The following NEO1 variants were observed in gnomAD, a reference collection of about 807,000 sequenced individuals.
NEO1 encodes the protein neogenin.
A neutral mutation model predicts 159.7 loss-of-function variants in NEO1; 63 were observed. That is an observed-to-expected ratio of 0.39 (90% CI 0.32 to 0.49). The LOEUF (loss-of-function observed/expected upper bound fraction) is 0.49, where lower values mean the gene tolerates loss of function less well. Ranked by LOEUF, NEO1 falls within the 20% of genes least tolerant of loss-of-function variation. The pLI, the probability that NEO1 is intolerant of heterozygous loss-of-function variation, is 0.85. For synonymous variants in NEO1, 633 were observed against 662.0 expected (o/e 0.96, Z 0.67); for missense variants, 1,615 against 1,831.0 (o/e 0.88, Z 2.15).
chr15:73,246,556 A>G, intron 9 of NEO1, among the ~76,000 whole-genome samples: 1 of 152,228 alleles, frequency 6.6e-6, no homozygotes, highest in Non-Finnish European at 1.5e-5. Context: ...TCCTAGGGAA[A>G]GATGAGACCT....
chr15:73,289,897 C>T lies in NEO1; in HGVS notation c.3742+659C>T, dbSNP rs1370228199. On this transcript the variant is annotated intron_variant, in intron 25 of 28. Coordinates refer to ENST00000261908, the MANE Select transcript of NEO1 (RefSeq NM_002499.4). ...CCTGGGAAGCAGAGGTTGCAGTGAGCCAAAATCGTGCTGTTGCACTCCAGC... is the reference window on the plus strand; with the variant it reads ...CCTGGGAAGCAGAGGTTGCAGTGAGTCAAAATCGTGCTGTTGCACTCCAGC... Among the ~76,000 whole-genome samples the T allele has an allele frequency of 2.6e-5, 4 of 152,048 alleles. No individual in the cohort carries two copies. The East Asian group carries it at 7.7e-4, about 29-fold the overall frequency.
At position 73,301,365 on chromosome 15, in the gene NEO1, A is replaced by G. The variant is rs1467464133; in HGVS notation, c.4210A>G (p.Thr1404Ala). 3 of 1,613,904 alleles carry G rather than the reference A, an allele frequency of 1.9e-6. No individual in the cohort carries two copies. The highest frequency in any genetic ancestry group is 1.3e-5 in the African/African-American group (1 of 74,932). The change falls in exon 28 of 29, where the codon ACT becomes GCT. Residue 1404 changes from threonine (T) to alanine (A), a missense_variant. Thr to Ala is a moderately conservative substitution (Grantham distance 58). This residue lies in a region of NEO1 where 471 missense variants were observed against 498.9 expected (regional missense o/e 0.94). Coordinates refer to ENST00000261908, the MANE Select transcript of NEO1 (RefSeq NM_002499.4). ...IHSVKTASIG[T>A]LGRSRPPMPV... ...CTCAGTGAAGACAGCCTCCATCGGG[A>G]CTCTAGGAAGGAGCCGGCCTCCTAT...
At chr15:73,102,911 GTCC>G (rs1425985673) in intron 1 of NEO1, among the ~76,000 whole-genome samples, 2 of 152,106 alleles carry the variant, frequency 1.3e-5, no homozygotes, top group East Asian at 1.9e-4. Flanking sequence ...CCTTCATCAT[GTCC>G]TCCTCCTCAG....
intron 5 of NEO1, among the ~76,000 whole-genome samples, chr15:73,144,506 T>G (rs2032714177): frequency 6.6e-6 from 1 of 152,228 alleles, no homozygotes; most frequent in South Asian, 2.1e-4. Context: ...TGTTTCTCTT[T>G]TTATTTCTTT....
intron 25 of NEO1, among the ~76,000 whole-genome samples, chr15:73,290,280 G>A (rs752385601): frequency 2.7e-5 from 3 of 109,118 alleles, no homozygotes; most frequent in African/African-American, 3.5e-5. Context: ...TTGCTGTGTC[G>A]CCAAGGCTGG....
intron 1 of NEO1, among the ~76,000 whole-genome samples, chr15:73,053,512 A>G (rs541006014): frequency 6.6e-6 from 1 of 152,332 alleles, no homozygotes; most frequent in South Asian, 2.1e-4. Context: ...AACCACTCTT[A>G]ACCAAGGGAA....
At chr15:73,181,752 C>CT (rs2035625484) in intron 7 of NEO1, among the ~76,000 whole-genome samples, 1 of 152,178 alleles carries the variant, frequency 6.6e-6, no homozygotes. Flanking sequence ...ACCTCCAACA[C>CT]TGGGGATTAC....
At chr15:73,166,237 C>T (rs973466879) in intron 5 of NEO1, among the ~76,000 whole-genome samples, 2 of 152,136 alleles carry the variant, frequency 1.3e-5, no homozygotes, top group Admixed American at 1.3e-4. Context: ...GAAATTGGAA[C>T]CCTTTTGCAC....
At position 73,303,604 on chromosome 15, in the gene NEO1, T is replaced by C. The variant is rs984352172; in HGVS notation, c.*908T>C. On this transcript the variant is annotated 3_prime_UTR_variant, in exon 29 of 29. Coordinates refer to ENST00000261908, the MANE Select transcript of NEO1 (RefSeq NM_002499.4). ...GAGAATGGAAGCATCTTCTTTATTGTCCTTTCCTGGCATGTCCATCCTTAT... is the reference window on the plus strand; with the variant it reads ...GAGAATGGAAGCATCTTCTTTATTGCCCTTTCCTGGCATGTCCATCCTTAT... The C allele has an allele frequency of 3.3e-5, 5 of 152,228 alleles. No homozygotes were observed. The highest frequency in any genetic ancestry group is 1.2e-4 in the African/African-American group (5 of 41,436). The allele number at this position is 152,228 out of a possible 1,614,324, so 9.4% of individuals were successfully genotyped here.
At chr15:73,286,116 A>C (rs1567697894) in intron 23 of NEO1, among the ~76,000 whole-genome samples, 1 of 117,232 alleles carries the variant, frequency 8.5e-6, no homozygotes, top group Non-Finnish European at 1.6e-5. Context: ...GCTGCTTACT[A>C]ACCTTTCTTC....
chr15:73,114,408 C>G (rs2151599388), intron 1 of NEO1, among the ~76,000 whole-genome samples: 1 of 152,126 alleles, frequency 6.6e-6, no homozygotes, highest in South Asian at 2.1e-4. Flanking sequence ...AGGTCACTGC[C>G]CTCCTACTGA....
At chr15:73,092,030 T>G (rs1415232233) in intron 1 of NEO1, among the ~76,000 whole-genome samples, 2 of 152,204 alleles carry the variant, frequency 1.3e-5, no homozygotes, top group African/African-American at 4.8e-5. Context: ...TTGAACTCTC[T>G]ATTCAGATGG....
At chr15:73,228,302 C>G (rs999496642) in intron 7 of NEO1, among the ~76,000 whole-genome samples, 1 of 152,022 alleles carries the variant, frequency 6.6e-6, no homozygotes, top group Non-Finnish European at 1.5e-5. Flanking sequence ...TATCTCATTG[C>G]GCTCTTAATT....
chr15:73,122,675 A>G lies in NEO1; in HGVS notation c.599A>G (p.Lys200Arg), dbSNP rs533465784. Residue 200 changes from lysine (K) to arginine (R), a missense_variant, in exon 3 of 29, where the codon AAA becomes AGA. By Grantham distance (26) the Lys-to-Arg change is conservative (BLOSUM62 2). Transcript: ENST00000261908. ...CTTCTTCTGGATGATAGAGTTATCA[A>G]ACTTCCAAGTGGAATGCTGGTTATC... ...QPLLLDDRVI[K>R]LPSGMLVISN... The G allele has an allele frequency of 6.8e-6, 11 of 1,614,196 alleles. No individual in the cohort carries two copies. Among genetic ancestry groups the G allele is most frequent in the Non-Finnish European group, 4.2e-6 (5 of 1,180,038 alleles).
chr15:73,214,575 T>C (rs1055488565), intron 7 of NEO1, among the ~76,000 whole-genome samples: 1 of 152,170 alleles, frequency 6.6e-6, no homozygotes, highest in Non-Finnish European at 1.5e-5. Context: ...AAAGATCAGT[T>C]GGCTGTTAAG....
At chr15:73,077,163 C>G (rs1221050943) in intron 1 of NEO1, among the ~76,000 whole-genome samples, 1 of 152,144 alleles carries the variant, frequency 6.6e-6, no homozygotes, top group Non-Finnish European at 1.5e-5. Context: ...CCTGCCTCAG[C>G]CTCCCGAGTA....
intron 5 of NEO1, among the ~76,000 whole-genome samples, chr15:73,174,943 A>G (rs893626342): frequency 2.0e-5 from 3 of 152,158 alleles, no homozygotes; most frequent in African/African-American, 7.2e-5. Context: ...TTGTTTCCTA[A>G]GATTATACAT....
chr15:73,155,401 G>A (rs2033706106), intron 5 of NEO1, among the ~76,000 whole-genome samples: 2 of 151,998 alleles, frequency 1.3e-5, no homozygotes, highest in East Asian at 3.9e-4. Flanking sequence ...CTTTTACTTT[G>A]ACTTTAGACA....
intron 1 of NEO1, among the ~76,000 whole-genome samples, chr15:73,105,467 G>A (rs2070641325): frequency 6.6e-6 from 1 of 152,182 alleles, no homozygotes; most frequent in East Asian, 1.9e-4. Context: ...CTAAATAACA[G>A]TATCATTAAT....
Sources: allele counts gnomAD v4.1 joint callset (sites outside exome capture counted in the v4.1 genomes callset), GRCh38; gene constraint gnomAD v4.1.1; regional missense constraint gnomAD v4.1.1; transcripts MANE v1.5; gene names NCBI Gene and HGNC (gene_info 2026-07-23, HGNC 2026-07-21).